SAMD4A: variants seen among roughly 807,000 people sequenced by gnomAD.
SAMD4A encodes sterile alpha motif domain containing 4A.
In SAMD4A, 33 loss-of-function variants were observed where a neutral mutation model predicts 81.3. That is an observed-to-expected ratio of 0.41 (90% CI 0.31 to 0.54). SAMD4A has a LOEUF of 0.54. Ranked by LOEUF, SAMD4A falls within the 20% of genes least tolerant of loss-of-function variation. The pLI, the probability that SAMD4A is intolerant of heterozygous loss-of-function variation, is 0.37. For synonymous variants in SAMD4A, 389 were observed against 382.1 expected (o/e 1.02, Z -0.21); for missense variants, 854 against 951.1 (o/e 0.90, Z 1.34).
chr14:54,784,634 T>C lies in SAMD4A; in HGVS notation c.2128+14T>C, dbSNP rs1286969712. ...ACGCCCTGGGAGGTGAGTGTGTTCT[T>C]CCTGCATGTCCCCATGTCCCTGTTA... On this transcript the variant is annotated intron_variant, in intron 12 of 12. Coordinates refer to ENST00000554335, the MANE Select transcript of SAMD4A (RefSeq NM_015589.6). 3.7e-6 allele frequency: 6 copies of C among 1,604,632 alleles called. No individual in the cohort carries two copies. The highest frequency in any genetic ancestry group is 3.4e-6 in the Non-Finnish European group (4 of 1,171,550).
At chr14:54,771,051 GAA>G (rs2038690478) in intron 9 of SAMD4A, among the ~76,000 whole-genome samples, 1 of 152,104 alleles carries the variant, frequency 6.6e-6, no homozygotes, top group African/African-American at 2.4e-5. Flanking sequence ...TGCATGTATA[GAA>G]GCTCTCTGCC....
At chr14:54,785,671 T>G (rs1426200074) in intron 12 of SAMD4A, among the ~76,000 whole-genome samples, 1 of 152,244 alleles carries the variant, frequency 6.6e-6, no homozygotes, top group Non-Finnish European at 1.5e-5. Context: ...TGCCATCCTC[T>G]GCTGCTTCAG....
intron 3 of SAMD4A, among the ~76,000 whole-genome samples, chr14:54,712,929 T>C (rs2037027021): frequency 6.6e-6 from 1 of 152,120 alleles, no homozygotes; most frequent in Non-Finnish European, 1.5e-5. Flanking sequence ...ATGGCTTAAG[T>C]TGGACTAGCC....
chr14:54,770,345 C>T (rs1363548595), intron 9 of SAMD4A, 123 bp downstream of exon 9: 6 of 694,928 alleles, frequency 8.6e-6, no homozygotes, highest in South Asian at 3.8e-5. Flanking sequence ...TGCCCTGTGG[C>T]GAGTTCCAAA....
At chr14:54,587,841 T>C (rs774855757) in intron 2 of SAMD4A, among the ~76,000 whole-genome samples, 3 of 152,150 alleles carry the variant, frequency 2.0e-5, no homozygotes, top group African/African-American at 4.8e-5. Context: ...TATTGGTCTG[T>C]AGTTTTCTTT....
chr14:54,601,594 C>T (rs2034053910), intron 2 of SAMD4A, among the ~76,000 whole-genome samples: 2 of 152,220 alleles, frequency 1.3e-5, no homozygotes, highest in Admixed American at 6.5e-5. Flanking sequence ...ATATTTTTAT[C>T]TTCATGTAAA....
intron 2 of SAMD4A, among the ~76,000 whole-genome samples, chr14:54,570,790 A>T (rs1000736500): frequency 6.6e-6 from 1 of 152,242 alleles, no homozygotes; most frequent in Non-Finnish European, 1.5e-5. Flanking sequence ...AAATGTTTAC[A>T]CCCAGAATAA....
chr14:54,587,548 T>C (rs973384681), intron 2 of SAMD4A, among the ~76,000 whole-genome samples: 1 of 152,204 alleles, frequency 6.6e-6, no homozygotes, highest in African/African-American at 2.4e-5. Flanking sequence ...TTCAGTATAA[T>C]GTTGGCTGTG....
intron 9 of SAMD4A, among the ~76,000 whole-genome samples, chr14:54,771,783 T>C (rs2038712792): frequency 6.6e-6 from 1 of 152,072 alleles, no homozygotes; most frequent in Admixed American, 6.5e-5. Context: ...AGGTTGGAGA[T>C]GAAGATGGGG....
At chr14:54,624,787 TG>T (rs57317085) in intron 2 of SAMD4A, among the ~76,000 whole-genome samples, 20,167 of 151,892 alleles carry the variant, frequency 0.13, 1,466 homozygotes, top group Middle Eastern at 0.21. Flanking sequence ...TTTTTTTTTT[TG>T]TTGTTTGGAG....
chr14:54,572,089 C>G (rs1474338562), intron 2 of SAMD4A, among the ~76,000 whole-genome samples: 1 of 152,182 alleles, frequency 6.6e-6, no homozygotes, highest in Non-Finnish European at 1.5e-5. Flanking sequence ...CTGCTATTTT[C>G]CTGACCCAGT....
chr14:54,746,789 C>T (rs1594890645), intron 4 of SAMD4A, among the ~76,000 whole-genome samples: 1 of 152,294 alleles, frequency 6.6e-6, no homozygotes, highest in Non-Finnish European at 1.5e-5. Flanking sequence ...CTGGGTTACC[C>T]AGGCTTCTCT....
chr14:54,775,189 G>T, intron 10 of SAMD4A, 54 bp downstream of exon 10: 1 of 1,605,190 alleles, frequency 6.2e-7, no homozygotes, highest in Non-Finnish European at 8.5e-7. Context: ...GCCCAAGGCT[G>T]CAGATGTCCC....
At chr14:54,715,199 G>GA (rs978798559) in intron 3 of SAMD4A, among the ~76,000 whole-genome samples, 9 of 149,690 alleles carry the variant, frequency 6.0e-5, no homozygotes, top group Non-Finnish European at 8.9e-5. Context: ...GTATTTGAAA[G>GA]AAAAAAAAAA....
chr14:54,688,902 C>CG (rs59653530), intron 2 of SAMD4A, among the ~76,000 whole-genome samples: 1 of 147,982 alleles, frequency 6.8e-6, no homozygotes, highest in Non-Finnish European at 1.5e-5. Flanking sequence ...TTCAGTAGAT[C>CG]TATAGAGAGG....
chr14:54,650,237 T>G (rs1342594026), intron 2 of SAMD4A, among the ~76,000 whole-genome samples: 2 of 152,344 alleles, frequency 1.3e-5, no homozygotes, highest in African/African-American at 4.8e-5. Context: ...TTGATAAACC[T>G]TTACATCATT....
intron 3 of SAMD4A, among the ~76,000 whole-genome samples, chr14:54,721,963 T>C (rs2037273036): frequency 6.6e-6 from 1 of 152,196 alleles, no homozygotes; most frequent in African/African-American, 2.4e-5. Context: ...ATTTTGTAGA[T>C]AAATGATGGC....
At chr14:54,565,356 G>A (rs1051417607), upstream of SAMD4A, among the ~76,000 whole-genome samples, 13 of 152,226 alleles carry the variant, frequency 8.5e-5, no homozygotes, top group Non-Finnish European at 1.5e-4. The surrounding 1 kb of genome is among the most constrained non-coding windows in gnomAD (Gnocchi z 5.4). Context: ...TCCCCCGACC[G>A]GTCTCAGGAG....
chr14:54,663,057 A>G (rs1392366346), intron 2 of SAMD4A, among the ~76,000 whole-genome samples: 1 of 152,260 alleles, frequency 6.6e-6, no homozygotes, highest in Non-Finnish European at 1.5e-5. Flanking sequence ...GAAGTTGGAC[A>G]TAACAGGATG....
Sources: allele counts gnomAD v4.1 joint callset (sites outside exome capture counted in the v4.1 genomes callset), GRCh38; gene constraint gnomAD v4.1.1; non-coding constraint Gnocchi (gnomAD v3.1); transcripts MANE v1.5; gene names NCBI Gene and HGNC (gene_info 2026-07-23, HGNC 2026-07-21).